The following C6orf132 variants were observed in gnomAD, a reference collection of about 807,000 sequenced individuals.
C6orf132 encodes uncharacterized protein C6orf132.
A neutral mutation model predicts 65.3 loss-of-function variants in C6orf132; 43 were observed. The ratio of observed to expected loss-of-function variants is 0.66; its 90% CI spans 0.52 to 0.85. The LOEUF (loss-of-function observed/expected upper bound fraction) is 0.85. Ranked by LOEUF, C6orf132 falls within the 40% of genes least tolerant of loss-of-function variation. The pLI is 0.00. For missense variants in C6orf132, 1,488 were observed against 1,548.8 expected (o/e 0.96, Z 0.66); for synonymous variants, 631 against 654.1 (o/e 0.96, Z 0.54).
chr6:42,120,326 A>C lies in C6orf132; in HGVS notation c.252+8346T>G, dbSNP rs545928034. 3.3e-4 allele frequency among the ~76,000 whole-genome samples: 48 copies of C among 145,932 alleles called. No individual in the cohort carries two copies. The East Asian group carries it at 0.01, about 31-fold the overall frequency. ...CAGTGGCGCGATCTCGGCTCACTGCAAGCTCCGCCTCCCGGGTTCATGCCA... is the reference window on the plus strand; with the variant it reads ...CAGTGGCGCGATCTCGGCTCACTGCCAGCTCCGCCTCCCGGGTTCATGCCA... On this transcript the variant is annotated intron_variant, in intron 2 of 4. Transcript: ENST00000341865.
chr6:42,142,307 C>G lies in C6orf132; in HGVS notation c.138G>C (p.Gly46=), dbSNP rs984621352. 6.4e-7 allele frequency: 1 copy of G among 1,550,696 alleles called. No homozygotes were observed. The highest frequency in any genetic ancestry group is 8.7e-7 in the Non-Finnish European group (1 of 1,146,784). ...CGTCCCCGGAGTACTCACCGAAGCC[C>G]CCGGTCCCCTCCTCCGGGGCCTCCT... ...FTQEAPEEGT[G]GFDGIYYGDN... The change falls in exon 1 of 5, where the codon GGG becomes GGC. Residue 46 remains glycine, a synonymous_variant. Coordinates refer to ENST00000341865, the MANE Select transcript of C6orf132 (RefSeq NM_001164446.3).
In C6orf132 at chr6:42,106,695, G is replaced by C. The variant is rs1766414426; in HGVS notation, c.1217C>G (p.Pro406Arg). The C allele has an allele frequency of 1.4e-6, 2 of 1,439,862 alleles. No homozygotes were observed. The highest frequency in any genetic ancestry group is 1.9e-6 in the Non-Finnish European group (2 of 1,067,380). 89.2% of individuals were successfully genotyped at this position (1,439,862 alleles called of 1,614,324 possible). The change falls in exon 4 of 5, where the codon CCA becomes CGA. Residue 406 changes from proline to arginine, a missense_variant. Coordinates refer to ENST00000341865, the MANE Select transcript of C6orf132 (RefSeq NM_001164446.3). Reference protein sequence around the residue: ...LPPPAPPLPPPAPPLPPAAPP... With the variant: ...LPPPAPPLPPRAPPLPPAAPP... ...TGCAGCTGGGGGAAGTGGGGGTGCT[G>C]GGGGAGGGAGGGGGGGTGCAGGAGG...
At position 42,103,350 on chromosome 6, in the gene C6orf132, C is replaced by A. The variant is rs746432424; in HGVS notation, c.*411G>T. The A allele has an allele frequency of 2.5e-6, 1 of 397,500 alleles. No homozygotes were observed. The highest frequency in any genetic ancestry group is 3.6e-5 in the East Asian group (1 of 28,066). 24.6% of individuals were successfully genotyped at this position (397,500 alleles called of 1,614,324 possible). ...GCAAGGGCCTGACAGGCAATCACAGCTATCTCGATGGGTTCCAGTTCAGTC... is the reference window on the plus strand; with the variant it reads ...GCAAGGGCCTGACAGGCAATCACAGATATCTCGATGGGTTCCAGTTCAGTC... On this transcript the variant is annotated 3_prime_UTR_variant, in exon 5 of 5. Transcript: ENST00000341865.
chr6:42,118,522 G>A (rs1766620548), intron 2 of C6orf132, among the ~76,000 whole-genome samples: 1 of 152,188 alleles, frequency 6.6e-6, no homozygotes. Context: ...GGAGTGCATG[G>A]CCCTCCGAGT....
chr6:42,110,707 G>A (rs766334098), intron 2 of C6orf132, among the ~76,000 whole-genome samples: 4 of 152,122 alleles, frequency 2.6e-5, no homozygotes, highest in South Asian at 2.1e-4. Context: ...ACTCATGGCC[G>A]ATAGCACTAT....
At position 42,104,715 on chromosome 6, in the gene C6orf132, A is replaced by G. The variant is rs1164650050; in HGVS notation, c.3197T>C (p.Leu1066Pro). The G allele has an allele frequency of 3.9e-6, 6 of 1,523,864 alleles. No individual in the cohort carries two copies. The highest frequency in any genetic ancestry group is 5.3e-6 in the Non-Finnish European group (6 of 1,141,818). The allele number at this position is 1,523,864 out of a possible 1,614,324, so 94.4% of individuals were successfully genotyped here. A position where few individuals can be genotyped will look rare whatever the true frequency, so the allele number is the denominator to read the frequency against. The stretch of plus-strand genomic sequence containing the variant: ...GCCTCGGTGCGGCTCCCCGACGTAC[A>G]GGCGCTTCTTTATGAGCGAGCGGCC... ...GGGRSLIKKR[L>P]YVGEPHRGPG... Residue 1066 changes from leucine to proline, a missense_variant, in exon 4 of 5, where the codon CTG (leucine) becomes CCG (proline). Transcript: ENST00000341865. This position sits in a 1 kb window ranked among gnomAD's most constrained non-coding sequence, Gnocchi z 4.1.
At chr6:42,133,327 C>T (rs955685565) in intron 1 of C6orf132, among the ~76,000 whole-genome samples, 4 of 152,214 alleles carry the variant, frequency 2.6e-5, no homozygotes, top group East Asian at 1.9e-4. Context: ...GGCACAGCCC[C>T]GTGTCTCATC....
intron 2 of C6orf132, among the ~76,000 whole-genome samples, chr6:42,116,139 AG>A (rs1766567624): frequency 6.6e-6 from 1 of 151,724 alleles, no homozygotes; most frequent in Non-Finnish European, 1.5e-5. Context: ...TATGTTGGCC[AG>A]GCTGGTCTTG....
chr6:42,137,765 G>A (rs1335351863), intron 1 of C6orf132, among the ~76,000 whole-genome samples: 4 of 150,422 alleles, frequency 2.7e-5, no homozygotes, highest in Non-Finnish European at 4.4e-5. Flanking sequence ...AAGGCTGGGC[G>A]CGGTGGCTCA....
intron 1 of C6orf132, among the ~76,000 whole-genome samples, chr6:42,132,029 G>T (rs376903952): frequency 6.6e-6 from 1 of 152,040 alleles, no homozygotes; most frequent in South Asian, 2.1e-4. Context: ...AGCTGCCATG[G>T]CTGGCTTTGA....
intron 1 of C6orf132, among the ~76,000 whole-genome samples, chr6:42,141,747 CTGT>C (rs1562044481): frequency 1.3e-5 from 2 of 152,180 alleles, no homozygotes; most frequent in African/African-American, 4.8e-5. Flanking sequence ...GCAGCTGCGC[CTGT>C]TGTTTTTTCC....
At chr6:42,140,811 G>A (rs1767018570) in intron 1 of C6orf132, among the ~76,000 whole-genome samples, 1 of 152,214 alleles carries the variant, frequency 6.6e-6, no homozygotes, top group Admixed American at 6.5e-5. Context: ...ATTTTAGAAT[G>A]GCATCTTGCA....
intron 1 of C6orf132, among the ~76,000 whole-genome samples, chr6:42,131,478 ACT>A (rs1410748774): frequency 6.6e-6 from 1 of 152,200 alleles, no homozygotes; most frequent in African/African-American, 2.4e-5. Context: ...TTGCCCAAAG[ACT>A]CACAGTAAGT....
Position 42,105,200 on chromosome 6 carries a change from C to G in C6orf132, c.2712G>C (p.Lys904Asn), listed in dbSNP as rs750645269. 5 of 1,537,150 alleles carry G rather than the reference C, an allele frequency of 3.3e-6. No individual in the cohort carries two copies. In the South Asian group the frequency reaches 5.9e-5, roughly 18 times the overall value. Residue 904 changes from lysine (K) to asparagine (N), a missense_variant, in exon 4 of 5, where the codon AAG becomes AAC. By Grantham distance (94) the Lys-to-Asn change is moderately conservative. Transcript: ENST00000341865. ...VVPKLPKEAE[K>N]DSPLTTEIPN... ...GTATTTCGGTCGTCAGCGGGGAGTC[C>G]TTCTCAGCCTCCTTGGGTAACTTGG...
chr6:42,113,607 G>A (rs1246381453), intron 2 of C6orf132, among the ~76,000 whole-genome samples: 1 of 152,216 alleles, frequency 6.6e-6, no homozygotes, highest in African/African-American at 2.4e-5. Context: ...CTGAAGTCAG[G>A]AGTTCAAGAC....
intron 3 of C6orf132, 87 bp from the exon 4 acceptor site, chr6:42,107,670 T>C: frequency 1.3e-6 from 2 of 1,488,420 alleles, no homozygotes; most frequent in Non-Finnish European, 1.8e-6. Context: ...GGGGCAGGGG[T>C]GGGCACCCAA....
intron 2 of C6orf132, among the ~76,000 whole-genome samples, chr6:42,119,066 C>CAAAAAAAAAA: frequency 1.8e-5 from 1 of 54,784 alleles, no homozygotes; most frequent in Non-Finnish European, 3.3e-5. Flanking sequence ...CCTGTCTCTA[C>CAAAAAAAAAA]AAAAAAAAAA....
chr6:42,118,569 G>A (rs1218517319), intron 2 of C6orf132, among the ~76,000 whole-genome samples: 1 of 152,226 alleles, frequency 6.6e-6, no homozygotes, highest in Non-Finnish European at 1.5e-5. Context: ...ACCAACCTGT[G>A]TACAGTGAAG....
chr6:42,114,923 T>C (rs1314328532), intron 2 of C6orf132, among the ~76,000 whole-genome samples: 2 of 151,820 alleles, frequency 1.3e-5, no homozygotes, highest in African/African-American at 4.8e-5. Context: ...GGAGAATTGC[T>C]TGAACCCAGG....
Sources: gnomAD v4.1 joint callset for allele counts (sites outside exome capture counted in the v4.1 genomes callset) on GRCh38, gnomAD v4.1.1 for gene constraint, Gnocchi (gnomAD v3.1) non-coding constraint, MANE v1.5 for transcripts, NCBI Gene and HGNC (gene_info 2026-07-23, HGNC 2026-07-21) for gene names.